Variants in RMND1 observed in about 807,000 individuals in gnomAD.
The protein encoded by RMND1 is required for meiotic nuclear division protein 1 homolog.
In RMND1, 41 loss-of-function variants were observed where a neutral mutation model predicts 54.0. The observed-to-expected ratio is 0.76, with a 90% CI of 0.59 to 0.98. The LOEUF is 0.98. Among genes scored for constraint, RMND1 ranks in the 50% least tolerant of loss-of-function variants. RMND1 has a pLI of 0.00. For synonymous variants in RMND1, 183 were observed against 181.7 expected (o/e 1.01, Z -0.06); for missense variants, 457 against 532.0 (o/e 0.86, Z 1.39).
chr6:151,406,001 A>T (rs1266797707), intron 10 of RMND1, among the ~76,000 whole-genome samples, 165 bp from the exon 11 acceptor site: 1 of 152,242 alleles, frequency 6.6e-6, no homozygotes, highest in East Asian at 1.9e-4. Flanking sequence ...GACATTTTGT[A>T]ATGTACAAAT....
intron 11 of RMND1, among the ~76,000 whole-genome samples, 169 bp downstream of exon 11, chr6:151,405,551 T>C (rs755844558): frequency 6.6e-6 from 1 of 152,246 alleles, no homozygotes; most frequent in Non-Finnish European, 1.5e-5. Flanking sequence ...GAATTACTTT[T>C]AATGCATTTG....
At chr6:151,410,268 G>A (rs759216577) in intron 10 of RMND1, among the ~76,000 whole-genome samples, 2 of 152,048 alleles carry the variant, frequency 1.3e-5, no homozygotes, top group African/African-American at 2.4e-5. Flanking sequence ...TGTTAGCCAG[G>A]ATGGTCTGGA....
At chr6:151,423,490 T>G in intron 7 of RMND1, 35 bp downstream of exon 7, 1 of 1,329,034 alleles carries the variant, frequency 7.5e-7, no homozygotes, top group Non-Finnish European at 1.1e-6. Context: ...AAATGACAAC[T>G]GTAGTACCCT....
intron 1 of RMND1, among the ~76,000 whole-genome samples, chr6:151,451,453 T>C (rs1234134705): frequency 6.6e-6 from 1 of 152,068 alleles, no homozygotes; most frequent in Non-Finnish European, 1.5e-5. Context: ...CAAAACGAGG[T>C]AAATCAGTAA....
At chr6:151,447,386 C>T (rs987682258) in intron 1 of RMND1, among the ~76,000 whole-genome samples, 2 of 152,160 alleles carry the variant, frequency 1.3e-5, no homozygotes, top group Non-Finnish European at 1.5e-5. Flanking sequence ...TCACTCTGAG[C>T]GCTTTCTACA....
intron 4 of RMND1, among the ~76,000 whole-genome samples, chr6:151,432,759 G>A (rs900419724): frequency 1.3e-5 from 2 of 152,038 alleles, no homozygotes; most frequent in Non-Finnish European, 1.5e-5. Context: ...GCTACCAAAG[G>A]GGAAGGGAGA....
chr6:151,405,278 A>G lies in RMND1; in HGVS notation c.1318-11T>C, dbSNP rs765780346. ...CAGCTCAAACATTACCTTAGAATAGAAAGTGAGAATTATTTCATGACGGGC... is the reference window on the plus strand; with the variant it reads ...CAGCTCAAACATTACCTTAGAATAGGAAGTGAGAATTATTTCATGACGGGC... On this transcript the variant is annotated splice_polypyrimidine_tract_variant and intron_variant, in intron 11 of 11. Coordinates refer to ENST00000444024, the MANE Select transcript of RMND1 (RefSeq NM_017909.4). 5 of 1,611,860 alleles carry G rather than the reference A, an allele frequency of 3.1e-6. No individual in the cohort carries two copies. The Admixed American group carries it at 6.7e-5, about 22-fold the overall frequency.
At chr6:151,414,127 T>A (rs1267478769) in intron 10 of RMND1, among the ~76,000 whole-genome samples, 6 of 152,152 alleles carry the variant, frequency 3.9e-5, no homozygotes, top group Admixed American at 1.3e-4. Flanking sequence ...TGGGATGTAG[T>A]GGCGTGATCA....
At chr6:151,417,234 G>T in intron 10 of RMND1, 45 bp downstream of exon 10, 1 of 1,572,798 alleles carries the variant, frequency 6.4e-7, no homozygotes, top group Middle Eastern at 1.7e-4. Context: ...CAACTTATAG[G>T]CGACAACGTG....
intron 10 of RMND1, among the ~76,000 whole-genome samples, chr6:151,409,664 C>A (rs553880852): frequency 6.6e-6 from 1 of 152,034 alleles, no homozygotes; most frequent in Non-Finnish European, 1.5e-5. Context: ...TAAAAGGATG[C>A]GACGAGATAT....
chr6:151,449,430 C>T (rs1020117067), intron 1 of RMND1, among the ~76,000 whole-genome samples: 2 of 151,906 alleles, frequency 1.3e-5, no homozygotes, highest in Non-Finnish European at 1.5e-5. Flanking sequence ...ATTATCTGTC[C>T]TTTATCACCA....
In RMND1 at chr6:151,417,375, G is replaced by A; in HGVS notation, c.1104C>T (p.Asp368=). Residue 368 remains aspartate (D), a synonymous_variant, in exon 10 of 12, where the codon GAC becomes GAT. Coordinates refer to ENST00000444024, the MANE Select transcript of RMND1 (RefSeq NM_017909.4). The stretch of plus-strand genomic sequence containing the variant: ...AGTAGAAATCAGGAGTAATCAGGAA[G>A]TCTGAACTCAAGTTTATACGGTGCC... The part of the protein sequence containing the change: ...ALRHRINLSS[D]FLITPDFYWD... 6.2e-7 allele frequency: 1 copy of A among 1,609,092 alleles called. No individual in the cohort carries two copies. Among genetic ancestry groups the A allele is most frequent in the South Asian group, 1.1e-5 (1 of 89,918 alleles).
At chr6:151,444,393 G>C (rs1780889783) in intron 2 of RMND1, 1 of 152,182 alleles carries the variant, frequency 6.6e-6, no homozygotes, top group South Asian at 2.1e-4. Context: ...AAGCATTCCA[G>C]AATCCAACAC....
chr6:151,431,937 C>CT (rs945752741), intron 4 of RMND1, among the ~76,000 whole-genome samples: 95 of 143,710 alleles, frequency 6.6e-4, no homozygotes, highest in Non-Finnish European at 7.1e-4. Flanking sequence ...TTCTTTCTTT[C>CT]TTTTTTTTTT....
At chr6:151,420,813 C>A (rs537904496) in intron 9 of RMND1, 1 of 152,816 alleles carries the variant, frequency 6.5e-6, no homozygotes, top group South Asian at 2.1e-4. Context: ...AAAGTATTGT[C>A]ATAGTTTAAC....
intron 2 of RMND1, chr6:151,444,740 G>T (rs1459673618): frequency 6.6e-6 from 1 of 152,346 alleles, no homozygotes; most frequent in Non-Finnish European, 1.5e-5. Context: ...AGTTGTTACT[G>T]AAGGAGAAAT....
intron 6 of RMND1, among the ~76,000 whole-genome samples, chr6:151,425,368 A>T (rs765246989): frequency 6.6e-6 from 1 of 152,090 alleles, no homozygotes; most frequent in Non-Finnish European, 1.5e-5. Flanking sequence ...GAAACAAAAT[A>T]ACTGACTCTG....
At chr6:151,449,977 G>A (rs2114978533) in intron 1 of RMND1, among the ~76,000 whole-genome samples, 1 of 152,314 alleles carries the variant, frequency 6.6e-6, no homozygotes, top group South Asian at 2.1e-4. Context: ...CTGGAGTGCA[G>A]TGGCGTGATC....
intron 2 of RMND1, chr6:151,444,631 T>C (rs1780897565): frequency 6.6e-6 from 1 of 152,090 alleles, no homozygotes; most frequent in South Asian, 2.1e-4. Flanking sequence ...TTGATGACTA[T>C]CGGCATTAAA....
Sources: gnomAD v4.1 joint callset for allele counts (sites outside exome capture counted in the v4.1 genomes callset) on GRCh38, gnomAD v4.1.1 for gene constraint, MANE v1.5 for transcripts, NCBI Gene and HGNC (gene_info 2026-07-23, HGNC 2026-07-21) for gene names.